PRICKLE1: variants seen among roughly 807,000 people sequenced by gnomAD.
PRICKLE1 encodes prickle-like protein 1.
In PRICKLE1, 14 loss-of-function variants were observed where a neutral mutation model predicts 70.2. The observed-to-expected ratio is 0.20, with a 90% confidence interval of 0.13 to 0.31. The LOEUF is 0.31. Among genes scored for constraint, PRICKLE1 ranks in the 10% least tolerant of loss-of-function variants. The pLI, the probability that PRICKLE1 is intolerant of heterozygous loss-of-function variation, is 1.00. For synonymous variants in PRICKLE1, 357 were observed against 379.9 expected, an observed-to-expected ratio of 0.94 and a Z score of 0.70; for missense variants, 821 against 1,026.2, an observed-to-expected ratio of 0.80 and a Z score of 2.73.
intron 1 of PRICKLE1, among the ~76,000 whole-genome samples, chr12:42,516,969 C>T (rs1231882900): frequency 5.3e-5 from 8 of 152,052 alleles, no homozygotes; most frequent in Non-Finnish European, 1.0e-4. Flanking sequence ...GTTTAGGTAC[C>T]CTCTCCCTCA....
chr12:42,495,977 C>T (rs532535716), intron 1 of PRICKLE1, among the ~76,000 whole-genome samples: 1 of 152,308 alleles, frequency 6.6e-6, no homozygotes, highest in East Asian at 1.9e-4. Flanking sequence ...CATCCTCCTG[C>T]GAATCATGAA....
intron 1 of PRICKLE1, among the ~76,000 whole-genome samples, chr12:42,508,126 G>A (rs1939450143): frequency 6.6e-6 from 1 of 151,840 alleles, no homozygotes. Flanking sequence ...GGGCTCTAGT[G>A]GAAAATGGAA....
At chr12:42,519,174 A>T (rs1014299345) in intron 1 of PRICKLE1, among the ~76,000 whole-genome samples, 4 of 131,426 alleles carry the variant, frequency 3.0e-5, no homozygotes, top group Admixed American at 7.8e-5. Context: ...GCTTTACTGA[A>T]TTTCCTTTCC....
chr12:42,466,012 CAAG>C (rs753197431), intron 6 of PRICKLE1, 179 bp downstream of exon 6: 6 of 686,584 alleles, frequency 8.7e-6, no homozygotes, highest in Non-Finnish European at 1.5e-5. Flanking sequence ...CTGCAAGTAA[CAAG>C]AATCAACTCT....
chr12:42,536,990 C>T (rs1049801604), intron 1 of PRICKLE1, among the ~76,000 whole-genome samples: 27 of 152,100 alleles, frequency 1.8e-4, no homozygotes, highest in Non-Finnish European at 3.4e-4. Context: ...ATGTAATCCA[C>T]CTATAGAGTT....
chr12:42,541,620 G>A (rs1052388896), intron 1 of PRICKLE1, among the ~76,000 whole-genome samples: 3 of 152,148 alleles, frequency 2.0e-5, no homozygotes, highest in Non-Finnish European at 4.4e-5. Context: ...TTACAGGCAT[G>A]AGTCACCATG....
chr12:42,467,070 C>A (rs762594720), intron 5 of PRICKLE1, among the ~76,000 whole-genome samples: 4 of 151,822 alleles, frequency 2.6e-5, no homozygotes, highest in Non-Finnish European at 5.9e-5. Context: ...GGGACAGAGA[C>A]GGGGTCTCAC....
At chr12:42,565,081 T>G (rs1354731800) in intron 1 of PRICKLE1, among the ~76,000 whole-genome samples, 2 of 152,226 alleles carry the variant, frequency 1.3e-5, no homozygotes, top group African/African-American at 4.8e-5. Flanking sequence ...GTAGCTTAAT[T>G]GTGTTCCCAG....
At chr12:42,548,798 G>A (rs1940255798) in intron 1 of PRICKLE1, among the ~76,000 whole-genome samples, 1 of 152,078 alleles carries the variant, frequency 6.6e-6, no homozygotes, top group Admixed American at 6.6e-5. Flanking sequence ...GCAAATATGA[G>A]TCTCAGAAGA....
At chr12:42,477,332 A>G (rs1345250836) in intron 1 of PRICKLE1, among the ~76,000 whole-genome samples, 1 of 151,790 alleles carries the variant, frequency 6.6e-6, no homozygotes, top group Non-Finnish European at 1.5e-5. Flanking sequence ...AGATCACACC[A>G]TTGCACTCTA....
chr12:42,520,987 A>G (rs957058976), intron 1 of PRICKLE1, among the ~76,000 whole-genome samples: 9 of 152,120 alleles, frequency 5.9e-5, no homozygotes, highest in African/African-American at 2.2e-4. Flanking sequence ...CCTGGCCAAC[A>G]TGGTGAAACC....
chr12:42,543,883 T>C (rs973383962), intron 1 of PRICKLE1, among the ~76,000 whole-genome samples: 1 of 152,234 alleles, frequency 6.6e-6, no homozygotes, highest in South Asian at 2.1e-4. Context: ...GATAACGTAG[T>C]TGATTAACAC....
chr12:42,499,899 T>C (rs1229771878), intron 1 of PRICKLE1, among the ~76,000 whole-genome samples: 2 of 151,816 alleles, frequency 1.3e-5, no homozygotes, highest in African/African-American at 4.8e-5. Flanking sequence ...GGCTAATTTT[T>C]GTAGTTTTTT....
rs547849421 is a variant in PRICKLE1, at chr12:42,471,407, C to T, written c.132+978G>A. Among the ~76,000 whole-genome samples the T allele has an allele frequency of 4.6e-5, 7 of 152,192 alleles. No homozygotes were observed. The East Asian group carries it at 1.2e-3, about 25-fold the overall frequency. On this transcript the variant is annotated intron_variant, in intron 2 of 7. Transcript: ENST00000345127. Reference sequence around the variant, plus strand: ...CCTGTCTACTTCAATACCTTAGTACCACACAAAACCTACCCACTCTAAGTT... The same window carrying T: ...CCTGTCTACTTCAATACCTTAGTACTACACAAAACCTACCCACTCTAAGTT...
intron 1 of PRICKLE1, among the ~76,000 whole-genome samples, chr12:42,487,824 T>A (rs1295426787): frequency 6.6e-6 from 1 of 152,128 alleles, no homozygotes; most frequent in Non-Finnish European, 1.5e-5. Context: ...GGCGGGTGGA[T>A]CACTTGAGGT....
intron 1 of PRICKLE1, among the ~76,000 whole-genome samples, chr12:42,544,617 C>G (rs538804073): frequency 6.6e-6 from 1 of 152,300 alleles, no homozygotes; most frequent in African/African-American, 2.4e-5. Flanking sequence ...GAAGTTCCCT[C>G]TCTACCAAAA....
intron 1 of PRICKLE1, among the ~76,000 whole-genome samples, chr12:42,576,229 AAAG>A (rs1940804802): frequency 6.6e-6 from 1 of 152,258 alleles, no homozygotes; most frequent in Admixed American, 6.5e-5. Flanking sequence ...AGAGAAGAGA[AAAG>A]AAGGCAGAGA....
Position 42,469,519 on chromosome 12 carries a change from C to G in PRICKLE1, c.315G>C (p.Lys105Asn), listed in dbSNP as rs1938232807. 2 of 1,614,086 alleles carry G rather than the reference C, an allele frequency of 1.2e-6. No homozygotes were observed. Among genetic ancestry groups the G allele is most frequent in the African/African-American group, 2.7e-5 (2 of 74,940 alleles). Residue 105 changes from lysine to asparagine, a missense_variant, in exon 4 of 8, where the codon AAG (lysine) becomes AAC (asparagine). Physicochemically the swap from Lys to Asn is moderately conservative, Grantham distance 94. Coordinates refer to ENST00000345127, the MANE Select transcript of PRICKLE1 (RefSeq NM_153026.3). The stretch of plus-strand genomic sequence containing the variant: ...TTGTTCCTCTTCCCAGTGCTTCTTT[C>G]TTCCGCTGAGCACTGAACACCTGCA... ...KELQVFSAQR[K>N]KEALGRGTIK...
At position 42,464,923 on chromosome 12, in the gene PRICKLE1, G is replaced by C. The variant is rs1343106235; in HGVS notation, c.1111C>G (p.Leu371Val). The C allele has an allele frequency of 1.2e-6, 2 of 1,614,166 alleles. No individual in the cohort carries two copies. The highest frequency in any genetic ancestry group is 1.7e-6 in the Non-Finnish European group (2 of 1,180,030). The change falls in exon 7 of 8, where the codon CTT becomes GTT. Residue 371 changes from leucine (L) to valine (V), a missense_variant. Transcript: ENST00000345127. The surrounding 1 kb of genome is among the most constrained non-coding windows in gnomAD (Gnocchi z 4.2). ...CTCAGATCATCCAATTTTCGAGAAA[G>C]GGTGTCATCAGCATTGCCTGAGAGG... ...PGLSGNADDTLSRKLDDLSLS... is the reference protein window; with the variant it reads ...PGLSGNADDTVSRKLDDLSLS...
Sources: gnomAD v4.1 joint callset for allele counts (sites outside exome capture counted in the v4.1 genomes callset) on GRCh38, gnomAD v4.1.1 for gene constraint, Gnocchi (gnomAD v3.1) non-coding constraint, MANE v1.5 for transcripts, NCBI Gene and HGNC (gene_info 2026-07-23, HGNC 2026-07-21) for gene names.